The following SNX29 variants were observed in gnomAD, a reference collection of about 807,000 sequenced individuals.
SNX29 encodes the protein sorting nexin-29.
A neutral mutation model predicts 102.1 loss-of-function variants in SNX29; 78 were observed. The observed-to-expected ratio is 0.76, with a 90% confidence interval of 0.64 to 0.92. The LOEUF is 0.92. Ranked by LOEUF, SNX29 falls within the 40% of genes least tolerant of loss-of-function variation. SNX29 has a pLI of 0.00. For synonymous variants in SNX29, 580 were observed against 414.5 expected (o/e 1.40, Z -4.85); for missense variants, 1,280 against 1,061.7 (o/e 1.21, Z -2.86).
intron 20 of SNX29, among the ~76,000 whole-genome samples, chr16:12,551,449 T>C (rs1257858064): frequency 6.6e-6 from 1 of 152,186 alleles, no homozygotes; most frequent in Admixed American, 6.5e-5. Flanking sequence ...CAGCATGCTT[T>C]TAAAAATACA....
At position 12,526,631 on chromosome 16, in the gene SNX29, AGGGTGCAC is replaced by A. The variant is rs2076790855; in HGVS notation, c.2318+1794_2318+1801del. ...CCTCTTAGCGGCATCCCCATGGCCCAGGGTGCACGGGGGAATTAGCCTCTCGCGGAGTC... is the reference window on the plus strand; with the variant it reads ...CCTCTTAGCGGCATCCCCATGGCCCAGGGGGAATTAGCCTCTCGCGGAGTC... On this transcript the variant is annotated intron_variant, in intron 20 of 20. Coordinates refer to ENST00000566228, the MANE Select transcript of SNX29 (RefSeq NM_032167.5). The A allele has an allele frequency of 7.5e-6, 4 of 531,856 alleles. No homozygotes were observed. The East Asian group carries it at 1.2e-4, about 16-fold the overall frequency. The allele number at this position is 531,856 out of a possible 1,614,324, so 32.9% of individuals were successfully genotyped here.
intron 18 of SNX29, among the ~76,000 whole-genome samples, chr16:12,468,196 A>AAG (rs2087157075): frequency 2.6e-5 from 1 of 38,088 alleles, no homozygotes; most frequent in African/African-American, 1.3e-4. Context: ...TTTTTTTTTT[A>AAG]GGGGGAGTTT....
chr16:12,003,071 A>C, intron 3 of SNX29, 28 bp downstream of exon 3: 1 of 1,613,476 alleles, frequency 6.2e-7, no homozygotes, highest in Non-Finnish European at 8.5e-7. Context: ...AAAACCGTTG[A>C]CCATCGAGGT....
intron 12 of SNX29, among the ~76,000 whole-genome samples, chr16:12,129,220 C>T (rs374386044): frequency 6.6e-6 from 1 of 152,124 alleles, no homozygotes; most frequent in African/African-American, 2.4e-5. Flanking sequence ...TTGTTTTGGC[C>T]TCTCCTGGCA....
At chr16:12,383,176 C>G (rs11648792) in intron 16 of SNX29, among the ~76,000 whole-genome samples, 1 of 152,188 alleles carries the variant, frequency 6.6e-6, no homozygotes, top group African/African-American at 2.4e-5. Flanking sequence ...TTCCCATCCC[C>G]TGAGGTCACC....
chr16:12,394,476 A>T (rs1022259009), intron 16 of SNX29, among the ~76,000 whole-genome samples: 2 of 152,178 alleles, frequency 1.3e-5, no homozygotes, highest in Admixed American at 1.3e-4. Flanking sequence ...AAACCACCCC[A>T]AAACTTAATG....
At chr16:12,079,062 G>A (rs973238253) in intron 11 of SNX29, 147 bp downstream of exon 11, 59 of 712,092 alleles carry the variant, frequency 8.3e-5, no homozygotes, top group Non-Finnish European at 1.2e-4. Context: ...TGTGGTACGT[G>A]CTTGTGGATA....
chr16:12,090,656 A>G (rs528156961), intron 11 of SNX29, among the ~76,000 whole-genome samples: 11 of 152,264 alleles, frequency 7.2e-5, no homozygotes, highest in Non-Finnish European at 1.3e-4. Context: ...CAGTCTTCAC[A>G]TATCAAATCC....
At chr16:12,510,660 G>A (rs970574495) in intron 19 of SNX29, among the ~76,000 whole-genome samples, 1 of 151,932 alleles carries the variant, frequency 6.6e-6, no homozygotes, top group African/African-American at 2.4e-5. Flanking sequence ...GCGACAGAGT[G>A]AGACTCTGTC....
chr16:12,382,259 A>G (rs145733908), intron 16 of SNX29, among the ~76,000 whole-genome samples: 6 of 152,304 alleles, frequency 3.9e-5, no homozygotes, highest in Non-Finnish European at 7.4e-5. Context: ...TAACTGAGAA[A>G]AGCGAAGGTT....
At chr16:12,364,907 C>G (rs1895480003) in intron 16 of SNX29, among the ~76,000 whole-genome samples, 2 of 152,178 alleles carry the variant, frequency 1.3e-5, no homozygotes, top group Non-Finnish European at 2.9e-5. Context: ...TGTCCCTTCC[C>G]TTGTCTGTTT....
intron 14 of SNX29, among the ~76,000 whole-genome samples, chr16:12,249,054 C>G (rs142408284): frequency 6.6e-6 from 1 of 152,164 alleles, no homozygotes; most frequent in Non-Finnish European, 1.5e-5. Context: ...GCTTAACAAA[C>G]CATTCCCAAA....
intron 18 of SNX29, among the ~76,000 whole-genome samples, chr16:12,414,031 C>A (rs552901796): frequency 3.2e-4 from 48 of 152,320 alleles, no homozygotes; most frequent in African/African-American, 1.1e-3. Context: ...AGATTACTTA[C>A]AATACCTAGT....
intron 15 of SNX29, among the ~76,000 whole-genome samples, chr16:12,329,837 AC>A (rs1377699230): frequency 3.9e-5 from 6 of 152,240 alleles, no homozygotes; most frequent in Non-Finnish European, 8.8e-5. Context: ...TTTGAATAGC[AC>A]AAAGATCACT....
rs1018237413 is a variant in SNX29 at position 12,568,318 on chromosome 16, T to A, written c.2319-188T>A. Among the ~76,000 whole-genome samples, 517 of 89,046 alleles carry A rather than the reference T, an allele frequency of 5.8e-3. 2 individuals are homozygous for A. The highest frequency in any genetic ancestry group is 0.016 in the African/African-American group (396 of 24,128). The allele number at this position is 89,046 out of a possible 152,430, so 58.4% of individuals were successfully genotyped here. A position where few individuals can be genotyped will look rare whatever the true frequency, so the allele number is the denominator to read the frequency against. On this transcript the variant is annotated intron_variant, in intron 20 of 20. Coordinates refer to ENST00000566228, the MANE Select transcript of SNX29 (RefSeq NM_032167.5). ...CGGAGTGCTGTTAAAAAAAAAAAAA[T>A]GGAAAGGTTTACGTGACAATAGGGG...
chr16:12,409,886 C>T (rs1286518388), intron 18 of SNX29, among the ~76,000 whole-genome samples: 3 of 152,214 alleles, frequency 2.0e-5, no homozygotes, highest in Non-Finnish European at 2.9e-5. Context: ...CGTCTAGCGA[C>T]CACAAATGCT....
rs1321565981 is a variant in SNX29 at position 12,468,208 on chromosome 16, A to T, written c.2038-9511A>T. Among the ~76,000 whole-genome samples the T allele has an allele frequency of 3.4e-4, 37 of 107,572 alleles. 3 individuals are homozygous for T. The highest frequency in any genetic ancestry group is 9.0e-4 in the South Asian group (3 of 3,340). 70.6% of individuals were successfully genotyped at this position (107,572 alleles called of 152,430 possible). A position where few individuals can be genotyped will look rare whatever the true frequency, so the allele number is the denominator to read the frequency against. The stretch of plus-strand genomic sequence containing the variant: ...TTTTTTTTTTTTTAGGGGGAGTTTT[A>T]CTGTTTCCCAGGCTGGAGTGCAGTG... On this transcript the variant is annotated intron_variant, in intron 18 of 20. Transcript: ENST00000566228.
chr16:12,241,794 C>T (rs7205734), intron 14 of SNX29, among the ~76,000 whole-genome samples: 2,652 of 152,284 alleles, frequency 0.017, 96 homozygotes, highest in African/African-American at 0.061. Flanking sequence ...CCATCTCTTT[C>T]TCTCAACACT....
intron 20 of SNX29, chr16:12,557,193 A>T (rs2078422571): frequency 6.6e-6 from 1 of 152,196 alleles, no homozygotes; most frequent in Non-Finnish European, 1.5e-5. Context: ...TACTGACTCC[A>T]GGGCTCCAGA....
Sources: allele counts gnomAD v4.1 joint callset (sites outside exome capture counted in the v4.1 genomes callset), GRCh38; gene constraint gnomAD v4.1.1; transcripts MANE v1.5; gene names NCBI Gene and HGNC (gene_info 2026-07-23, HGNC 2026-07-21).